The following TRIM9 variants were observed in gnomAD, a reference collection of about 807,000 sequenced individuals.
TRIM9 encodes tripartite motif containing 9.
A neutral mutation model predicts 78.3 loss-of-function variants in TRIM9; 26 were observed. That is an observed-to-expected ratio of 0.33 (90% CI 0.24 to 0.46). The LOEUF is 0.46. TRIM9 is among the 20% of genes least tolerant of loss of function. TRIM9 has a pLI of 1.00. For missense variants in TRIM9, 787 were observed against 1,036.4 expected (o/e 0.76, Z 3.30); for synonymous variants, 398 against 416.5 (o/e 0.96, Z 0.54).
At chr14:50,999,050 A>G (rs1162577406) in intron 6 of TRIM9, among the ~76,000 whole-genome samples, 1 of 152,178 alleles carries the variant, frequency 6.6e-6, no homozygotes, top group Non-Finnish European at 1.5e-5. Context: ...CTTTACGTGC[A>G]TATGAATCAC....
At chr14:51,053,811 T>C (rs1011587385) in intron 1 of TRIM9, among the ~76,000 whole-genome samples, 1 of 149,322 alleles carries the variant, frequency 6.7e-6, no homozygotes, top group African/African-American at 2.6e-5. Context: ...TGTGATCTCA[T>C]TGCAGAACAG....
At chr14:51,089,269 A>G (rs2064084900) in intron 1 of TRIM9, 1 of 152,242 alleles carries the variant, frequency 6.6e-6, no homozygotes, top group Non-Finnish European at 1.5e-5. Flanking sequence ...ATTTATAACT[A>G]TTTGATTCTT....
chr14:51,011,682 A>G (rs956123761), intron 3 of TRIM9, among the ~76,000 whole-genome samples: 2 of 152,182 alleles, frequency 1.3e-5, no homozygotes, highest in East Asian at 1.9e-4. Context: ...TTATAAATTT[A>G]TTTTCCATTA....
rs2139486921 is a variant in TRIM9, at chr14:50,998,499, C to T, written c.1465-311G>A. Among the ~76,000 whole-genome samples the T allele has an allele frequency of 1.3e-5, 2 of 152,030 alleles. 1 individual carries two copies. Among genetic ancestry groups the T allele is most frequent in the South Asian group, 4.2e-4 (2 of 4,816 alleles). ...GAATGGTAGTTATTAGCAGCTAGGG[C>T]TTAAAAAAAATAAAACTGAGTGCTT... On this transcript the variant is annotated intron_variant, in intron 6 of 12. Transcript: ENST00000684578.
rs193074816 is a variant in TRIM9, at chr14:50,983,877, A to G, written c.1793-456T>C. Among the ~76,000 whole-genome samples the G allele has an allele frequency of 2.0e-4, 30 of 152,350 alleles. No homozygotes were observed. In the East Asian group the frequency reaches 5.2e-3, roughly 26 times the overall value. On this transcript the variant is annotated intron_variant, in intron 8 of 12. Coordinates refer to ENST00000684578, the MANE Select transcript of TRIM9 (RefSeq NM_001387360.1). ...TTGAGCCCAAATTAAATATAACTAA[A>G]TGTGTAATGTAATCCATTTGTGAAT...
intron 7 of TRIM9, 21 bp downstream of exon 7, chr14:50,998,029 G>T (rs2054450030): frequency 6.2e-7 from 1 of 1,614,012 alleles, no homozygotes; most frequent in Non-Finnish European, 8.5e-7. Flanking sequence ...CGCTCTGAGG[G>T]ATACTGCTGA....
intron 1 of TRIM9, among the ~76,000 whole-genome samples, chr14:51,032,077 T>C (rs1205204065): frequency 2.0e-5 from 3 of 152,218 alleles, no homozygotes; most frequent in Non-Finnish European, 4.4e-5. Context: ...AGCTAATGCA[T>C]AGTGACATTT....
rs938243478 is a variant in TRIM9, at chr14:51,000,970, C to A, written c.1307-130G>T. The A allele has an allele frequency of 7.5e-6, 8 of 1,069,196 alleles. No individual in the cohort carries two copies. The African/African-American group carries it at 1.2e-4, about 17-fold the overall frequency. 66.2% of individuals were successfully genotyped at this position (1,069,196 alleles called of 1,614,324 possible). On this transcript the variant is annotated intron_variant, in intron 5 of 12. Coordinates refer to ENST00000684578, the MANE Select transcript of TRIM9 (RefSeq NM_001387360.1). ...GAATGGGGTGCACAGGGGAACTGAA[C>A]AGGATCCTTCACAGAGTCCCCAGGA...
chr14:51,094,910 G>A lies in TRIM9; in HGVS notation c.30C>T (p.Cys10=), dbSNP rs1221506009. The A allele has an allele frequency of 4.0e-6, 6 of 1,505,184 alleles. No homozygotes were observed. Among genetic ancestry groups the A allele is most frequent in the Non-Finnish European group, 5.3e-6 (6 of 1,128,290 alleles). The allele number at this position is 1,505,184 out of a possible 1,614,324, so 93.2% of individuals were successfully genotyped here. Residue 10 remains cysteine, a synonymous_variant, in exon 1 of 13, where the codon TGC becomes TGT. Transcript: ENST00000684578. ...CCCGATAGAAGGAGCCGCACACGGG[G>A]CATTTCAACTCCTCTTCCATCTCCT... MEEMEEELK[C]PVCGSFYREP...
At chr14:51,025,415 G>C in intron 1 of TRIM9, 55 bp from the exon 2 acceptor site, 1 of 450,294 alleles carries the variant, frequency 2.2e-6, no homozygotes, top group African/African-American at 7.8e-5. Context: ...ACACCAACAA[G>C]GCCAGCGAGA....
At chr14:51,063,091 C>CTTAATGGA (rs2061474422) in intron 1 of TRIM9, among the ~76,000 whole-genome samples, 2 of 151,910 alleles carry the variant, frequency 1.3e-5, no homozygotes, top group Non-Finnish European at 2.9e-5. Flanking sequence ...TAAAGATGTT[C>CTTAATGGA]AATGACTTAA....
At chr14:51,071,064 AAAT>A (rs2140233140) in intron 1 of TRIM9, among the ~76,000 whole-genome samples, 1 of 152,194 alleles carries the variant, frequency 6.6e-6, no homozygotes, top group Non-Finnish European at 1.5e-5. Flanking sequence ...GGGGACGACA[AAAT>A]AAGAATCCTG....
At chr14:51,077,820 T>G (rs1297698168) in intron 1 of TRIM9, among the ~76,000 whole-genome samples, 1 of 152,236 alleles carries the variant, frequency 6.6e-6, no homozygotes, top group Non-Finnish European at 1.5e-5. Flanking sequence ...AGCTGCTCCA[T>G]ACCTTGGTTT....
intron 3 of TRIM9, among the ~76,000 whole-genome samples, chr14:51,015,948 T>G (rs8004486): frequency 6.6e-6 from 1 of 152,104 alleles, no homozygotes; most frequent in African/African-American, 2.4e-5. Context: ...CTTCCCATTA[T>G]AGTTTAAAAC....
At chr14:50,987,977 T>G (rs2052947200) in intron 7 of TRIM9, among the ~76,000 whole-genome samples, 1 of 152,098 alleles carries the variant, frequency 6.6e-6, no homozygotes, top group African/African-American at 2.4e-5. Context: ...ATTTTTCTAT[T>G]TTTTGTAGAA....
chr14:51,063,721 A>C (rs1018784043), intron 1 of TRIM9, among the ~76,000 whole-genome samples: 1 of 152,142 alleles, frequency 6.6e-6, no homozygotes, highest in Non-Finnish European at 1.5e-5. Context: ...AAAACTCAGA[A>C]TTTTACATCC....
chr14:51,001,280 A>G (rs2054970290), intron 5 of TRIM9, among the ~76,000 whole-genome samples: 4 of 140,006 alleles, frequency 2.9e-5, no homozygotes. Flanking sequence ...CCCAGGTTGG[A>G]GTGCAGCGGC....
Position 51,094,892 on chromosome 14 carries a change from G to T in TRIM9, c.48C>A (p.Phe16Leu). The part of the protein sequence containing the change: ...EELKCPVCGS[F>L]YREPIILPCS... ...AGGGCAGGATGATGGGCTCCCGATA[G>T]AAGGAGCCGCACACGGGGCATTTCA... Residue 16 changes from phenylalanine (F) to leucine (L), a missense_variant, in exon 1 of 13, where the codon TTC becomes TTA. Physicochemically the swap from Phe to Leu is conservative, Grantham distance 22. This residue lies in a region of TRIM9 where 352 missense variants were observed against 472.3 expected (regional missense o/e 0.75). Transcript: ENST00000684578. The T allele has an allele frequency of 6.6e-7, 1 of 1,513,288 alleles. No homozygotes were observed. The allele number at this position is 1,513,288 out of a possible 1,614,324, so 93.7% of individuals were successfully genotyped here.
chr14:51,076,077 GGCAACT>G (rs1276874586), intron 1 of TRIM9, among the ~76,000 whole-genome samples: 2 of 152,002 alleles, frequency 1.3e-5, no homozygotes, highest in Admixed American at 1.3e-4. Context: ...GCAAATGCTG[GGCAACT>G]TTTCAAAGAC....
Sources: allele counts gnomAD v4.1 joint callset (sites outside exome capture counted in the v4.1 genomes callset), GRCh38; gene constraint gnomAD v4.1.1; regional missense constraint gnomAD v4.1.1; transcripts MANE v1.5; gene names NCBI Gene and HGNC (gene_info 2026-07-23, HGNC 2026-07-21).